Variants in NT5DC1 observed in about 807,000 individuals in gnomAD.
The protein encoded by NT5DC1 is 5'-nucleotidase domain-containing protein 1.
Under a neutral mutation model 59.4 loss-of-function variants are expected in NT5DC1, and 42 were observed. The ratio of observed to expected loss-of-function variants is 0.71; its 90% CI spans 0.55 to 0.92. NT5DC1 has a LOEUF of 0.92. NT5DC1 is among the 40% of genes least tolerant of loss of function. The pLI is 0.00. For synonymous variants in NT5DC1, 172 were observed against 188.1 expected (o/e 0.91, Z 0.70); for missense variants, 501 against 537.1 (o/e 0.93, Z 0.66).
chr6:116,204,490 A>G (rs185805738), intron 6 of NT5DC1, among the ~76,000 whole-genome samples: 9 of 152,096 alleles, frequency 5.9e-5, no homozygotes, highest in Admixed American at 5.9e-4. Context: ...GTGTGGGGTA[A>G]GTGTACACAC....
chr6:116,138,068 ACT>A, intron 6 of NT5DC1, among the ~76,000 whole-genome samples: 1 of 151,900 alleles, frequency 6.6e-6, no homozygotes, highest in East Asian at 1.9e-4. Context: ...ACAGAGTGAG[ACT>A]CTGCTCAAAA....
At chr6:116,149,215 G>C (rs1438116585) in intron 6 of NT5DC1, among the ~76,000 whole-genome samples, 1 of 152,162 alleles carries the variant, frequency 6.6e-6, no homozygotes, top group Non-Finnish European at 1.5e-5. Flanking sequence ...ATTATTAGCT[G>C]TTTGACACAA....
chr6:116,114,648 G>A (rs73772254), intron 4 of NT5DC1, among the ~76,000 whole-genome samples: 8,530 of 151,770 alleles, frequency 0.056, 411 homozygotes, highest in African/African-American at 0.13. Context: ...TGTATCAAGC[G>A]TTCTCTAGGG....
At chr6:116,136,575 C>T (rs568595352) in intron 6 of NT5DC1, among the ~76,000 whole-genome samples, 2 of 152,126 alleles carry the variant, frequency 1.3e-5, no homozygotes, top group Non-Finnish European at 2.9e-5. Context: ...TTTTCTTCCA[C>T]ACCACATAAC....
rs34948626 is a variant in NT5DC1, at chr6:116,231,106, C to CAA, written c.803-5841_803-5840dup. Among the ~76,000 whole-genome samples, 250 of 69,842 alleles carry CAA rather than the reference C, an allele frequency of 3.6e-3. 4 individuals carry two copies. Among genetic ancestry groups the CAA allele is most frequent in the East Asian group, 0.016 (33 of 2,052 alleles). The allele number at this position is 69,842 out of a possible 152,430, so 45.8% of individuals were successfully genotyped here. ...GGGCAATAAGAGCGAAACTCCGTCT[C>CAA]AAAAAAAAAAAAAAAAAAAAGAACT... On this transcript the variant is annotated intron_variant, in intron 8 of 11. Transcript: ENST00000319550.
intron 6 of NT5DC1, among the ~76,000 whole-genome samples, chr6:116,130,867 A>G (rs1779441067): frequency 6.6e-6 from 1 of 151,964 alleles, no homozygotes; most frequent in African/African-American, 2.4e-5. Context: ...CAATATTCGT[A>G]CCAGAATATT....
At chr6:116,210,189 T>G (rs547390451) in intron 6 of NT5DC1, among the ~76,000 whole-genome samples, 99 of 152,156 alleles carry the variant, frequency 6.5e-4, no homozygotes, top group Middle Eastern at 3.4e-3. Context: ...CCTTTATGGC[T>G]TTTGAGTTCA....
chr6:116,156,473 A>G (rs892106828), intron 6 of NT5DC1, among the ~76,000 whole-genome samples: 2 of 152,192 alleles, frequency 1.3e-5, no homozygotes, highest in African/African-American at 2.4e-5. Flanking sequence ...AGGGATTACT[A>G]TGCTGTGTAT....
At chr6:116,140,586 C>A (rs1034120041) in intron 6 of NT5DC1, among the ~76,000 whole-genome samples, 1 of 152,104 alleles carries the variant, frequency 6.6e-6, no homozygotes, top group Non-Finnish European at 1.5e-5. Flanking sequence ...TATGCCATCT[C>A]CCTGATGGCA....
At chr6:116,103,412 G>A (rs1778702673) in intron 1 of NT5DC1, among the ~76,000 whole-genome samples, 1 of 152,034 alleles carries the variant, frequency 6.6e-6, no homozygotes, top group Non-Finnish European at 1.5e-5. Flanking sequence ...GGGCAACTAA[G>A]CGAGGTAGTC....
At chr6:116,125,523 G>T in intron 6 of NT5DC1, 1 of 1,610,442 alleles carries the variant, frequency 6.2e-7, no homozygotes, top group Non-Finnish European at 8.5e-7. Flanking sequence ...AAACAGAAAA[G>T]AATAACTTTA....
intron 6 of NT5DC1, among the ~76,000 whole-genome samples, chr6:116,202,764 T>A (rs1781374390): frequency 6.6e-6 from 1 of 152,004 alleles, no homozygotes; most frequent in African/African-American, 2.4e-5. Context: ...ATTAAGACAA[T>A]GACAGCTATT....
At chr6:116,169,968 C>A (rs1780567879) in intron 6 of NT5DC1, among the ~76,000 whole-genome samples, 1 of 152,110 alleles carries the variant, frequency 6.6e-6, no homozygotes, top group East Asian at 1.9e-4. Context: ...TTTCCTAGAA[C>A]TAACAAAGAG....
At chr6:116,120,727 A>T (rs996965262) in intron 6 of NT5DC1, 1 of 1,586,974 alleles carries the variant, frequency 6.3e-7, no homozygotes, top group Admixed American at 1.8e-5. Context: ...CTTTAGACCC[A>T]GGGAATCCTG....
At chr6:116,230,913 C>T (rs1304813622) in intron 8 of NT5DC1, among the ~76,000 whole-genome samples, 1 of 152,036 alleles carries the variant, frequency 6.6e-6, no homozygotes, top group African/African-American at 2.4e-5. Context: ...AGGCTGAATC[C>T]ATCAGCGAAC....
At chr6:116,166,367 A>G (rs1780466594) in intron 6 of NT5DC1, among the ~76,000 whole-genome samples, 2 of 152,170 alleles carry the variant, frequency 1.3e-5, no homozygotes, top group South Asian at 4.1e-4. Context: ...ATTTTGATAC[A>G]TGGTGGTTGG....
intron 6 of NT5DC1, chr6:116,118,844 A>C (rs1931897): frequency 0.27 from 41,278 of 152,066 alleles, 6,067 homozygotes; most frequent in Middle Eastern, 0.35. Flanking sequence ...ACAGTCAACA[A>C]TGAGTGGTTG....
intron 6 of NT5DC1, among the ~76,000 whole-genome samples, chr6:116,188,180 A>G (rs1781041969): frequency 6.6e-6 from 1 of 152,052 alleles, no homozygotes; most frequent in African/African-American, 2.4e-5. Context: ...GGAATTAAAG[A>G]ATCTAGTGAT....
chr6:116,101,162 G>A lies in NT5DC1; in HGVS notation c.93+139G>A. On this transcript the variant is annotated intron_variant, in intron 1 of 11. Transcript: ENST00000319550. ...GTCTTGCCGCAGAGCGCGGCCTCCA[G>A]CGGCGAGAAGGGGCGGAAGTGTGCA... 9.7e-6 allele frequency: 6 copies of A among 616,476 alleles called. No individual in the cohort carries two copies. In the South Asian group the frequency reaches 1.0e-4, roughly 11 times the overall value. The allele number at this position is 616,476 out of a possible 1,614,324, so 38.2% of individuals were successfully genotyped here. A position where few individuals can be genotyped will look rare whatever the true frequency, so the allele number is the denominator to read the frequency against.
Sources: gnomAD v4.1 joint callset for allele counts (sites outside exome capture counted in the v4.1 genomes callset) on GRCh38, gnomAD v4.1.1 for gene constraint, MANE v1.5 for transcripts, NCBI Gene and HGNC (gene_info 2026-07-23, HGNC 2026-07-21) for gene names.